Variants in NELL1 observed in about 807,000 individuals in gnomAD.
NELL1 encodes neural EGFL like 1.
NELL1 carries 76 observed loss-of-function variants against 107.4 expected under a neutral mutation model. The ratio of observed to expected loss-of-function variants is 0.71; its 90% confidence interval spans 0.59 to 0.86. The LOEUF is 0.86. NELL1 is among the 40% of genes least tolerant of loss of function. The pLI is 0.00. For synonymous variants in NELL1, 353 were observed against 341.2 expected (o/e 1.03, Z -0.38); for missense variants, 1,024 against 1,005.5 (o/e 1.02, Z -0.25).
intron 4 of NELL1, among the ~76,000 whole-genome samples, chr11:20,849,445 T>C (rs1848758179): frequency 1.3e-5 from 2 of 152,196 alleles, no homozygotes; most frequent in South Asian, 2.1e-4. Flanking sequence ...GACCCTGCCT[T>C]CAAACTTTCA....
At chr11:20,953,939 T>C (rs929363187) in intron 11 of NELL1, among the ~76,000 whole-genome samples, 10 of 152,190 alleles carry the variant, frequency 6.6e-5, no homozygotes, top group African/African-American at 2.4e-4. Flanking sequence ...TTTTGCTGTA[T>C]TCCTATTGTC....
intron 2 of NELL1, among the ~76,000 whole-genome samples, chr11:20,719,249 T>A (rs1019934391): frequency 6.6e-6 from 1 of 152,254 alleles, no homozygotes; most frequent in African/African-American, 2.4e-5. Flanking sequence ...ATGTCCCATC[T>A]AATCATGGCA....
intron 14 of NELL1, among the ~76,000 whole-genome samples, chr11:21,328,366 G>A (rs1428342624): frequency 1.3e-5 from 2 of 152,152 alleles, no homozygotes; most frequent in Non-Finnish European, 2.9e-5. Context: ...GCCTGTAGGT[G>A]CACAGAAGTC....
At chr11:20,934,050 G>A (rs867175298) in intron 9 of NELL1, among the ~76,000 whole-genome samples, 4 of 152,052 alleles carry the variant, frequency 2.6e-5, no homozygotes, top group East Asian at 1.9e-4. Flanking sequence ...AGTCCCAAAT[G>A]CCCCAGCCAA....
intron 5 of NELL1, among the ~76,000 whole-genome samples, chr11:20,909,701 T>G (rs1448694107): frequency 6.6e-6 from 1 of 152,152 alleles, no homozygotes; most frequent in Non-Finnish European, 1.5e-5. Flanking sequence ...TCTCATGCCA[T>G]TTTCTCTTCT....
intron 16 of NELL1, among the ~76,000 whole-genome samples, chr11:21,537,297 T>C (rs1385192161): frequency 6.6e-6 from 1 of 152,180 alleles, no homozygotes; most frequent in Non-Finnish European, 1.5e-5. Flanking sequence ...TCTAACTTTA[T>C]ATGGCCTTCA....
intron 14 of NELL1, among the ~76,000 whole-genome samples, chr11:21,306,971 C>A (rs1196489902): frequency 3.9e-5 from 6 of 151,986 alleles, no homozygotes; most frequent in East Asian, 1.9e-4. Flanking sequence ...GAATTAGATT[C>A]TTGAATTATA....
intron 2 of NELL1, among the ~76,000 whole-genome samples, chr11:20,739,732 C>G (rs7941575): frequency 0.051 from 7,805 of 152,158 alleles, 637 homozygotes; most frequent in African/African-American, 0.18. Flanking sequence ...GGCAGAGAGA[C>G]AAAGTGACCT....
chr11:21,210,280 A>G (rs1390179422), intron 13 of NELL1, among the ~76,000 whole-genome samples: 1 of 152,040 alleles, frequency 6.6e-6, no homozygotes, highest in African/African-American at 2.4e-5. Context: ...TGATGTGGTA[A>G]CCCTGTGTTT....
intron 12 of NELL1, among the ~76,000 whole-genome samples, chr11:21,038,726 G>A (rs1013203195): frequency 2.0e-5 from 3 of 152,120 alleles, no homozygotes; most frequent in African/African-American, 7.2e-5. Flanking sequence ...GAGTGGGGAG[G>A]GGTAGATTAG....
chr11:21,100,026 T>C (rs1327811184), intron 12 of NELL1, among the ~76,000 whole-genome samples: 2 of 152,146 alleles, frequency 1.3e-5, no homozygotes, highest in Admixed American at 1.3e-4. Context: ...TAGCCCTTTT[T>C]TTTTTTGAGA....
At chr11:21,331,214 C>A (rs916659738) in intron 14 of NELL1, among the ~76,000 whole-genome samples, 2 of 151,962 alleles carry the variant, frequency 1.3e-5, no homozygotes, top group Non-Finnish European at 1.5e-5. Flanking sequence ...CTTCTCATGG[C>A]ACCTCTTGTT....
intron 15 of NELL1, among the ~76,000 whole-genome samples, chr11:21,375,257 A>G (rs560063430): frequency 6.6e-6 from 1 of 151,996 alleles, no homozygotes; most frequent in Non-Finnish European, 1.5e-5. Context: ...CTTTATGTCC[A>G]TATTTACCTA....
At chr11:20,756,857 A>G in intron 2 of NELL1, among the ~76,000 whole-genome samples, 1 of 152,146 alleles carries the variant, frequency 6.6e-6, no homozygotes, top group East Asian at 1.9e-4. Flanking sequence ...TGGAGCTCGT[A>G]TTCAGTTCTG....
intron 15 of NELL1, among the ~76,000 whole-genome samples, chr11:21,440,124 G>T (rs138585844): frequency 6.6e-6 from 1 of 151,980 alleles, no homozygotes; most frequent in Admixed American, 6.6e-5. Flanking sequence ...CCAGGATCAG[G>T]GTTCTGAATC....
At chr11:21,004,985 A>G (rs1852299163) in intron 12 of NELL1, among the ~76,000 whole-genome samples, 1 of 152,186 alleles carries the variant, frequency 6.6e-6, no homozygotes, top group East Asian at 1.9e-4. Context: ...CAGGAATTTA[A>G]TTAGGATAAC....
chr11:21,533,325 G>A lies in NELL1; in HGVS notation c.1646-1049G>A, dbSNP rs183865692. Among the ~76,000 whole-genome samples, 4 of 152,258 alleles carry A rather than the reference G, an allele frequency of 2.6e-5. No individual in the cohort carries two copies. The East Asian group carries it at 7.7e-4, about 29-fold the overall frequency. ...TGAACTGATGCTTCTTATAGGCCCT[G>A]TTAAAAGAAATTGCAAAGTACATTT... is the stretch of plus-strand genomic sequence containing the variant. On this transcript the variant is annotated intron_variant, in intron 15 of 19. Coordinates refer to ENST00000357134, the MANE Select transcript of NELL1 (RefSeq NM_006157.5).
At chr11:20,865,804 C>T (rs549809616) in intron 4 of NELL1, among the ~76,000 whole-genome samples, 43 of 152,216 alleles carry the variant, frequency 2.8e-4, no homozygotes, top group African/African-American at 9.9e-4. Context: ...GTACTCCTTG[C>T]CTGTACTTCT....
At chr11:21,213,479 G>C (rs1857547103) in intron 13 of NELL1, among the ~76,000 whole-genome samples, 1 of 151,970 alleles carries the variant, frequency 6.6e-6, no homozygotes, top group Non-Finnish European at 1.5e-5. Context: ...CAATTGAATT[G>C]AATCGACTGA....
Sources: allele counts gnomAD v4.1 joint callset (sites outside exome capture counted in the v4.1 genomes callset), GRCh38; gene constraint gnomAD v4.1.1; transcripts MANE v1.5; gene names NCBI Gene and HGNC (gene_info 2026-07-23, HGNC 2026-07-21).